The following CLSTN1 variants were observed in gnomAD, a reference collection of about 807,000 sequenced individuals.
CLSTN1 encodes calsyntenin 1, also known as calsyntenin-1.
A neutral mutation model predicts 108.3 loss-of-function variants in CLSTN1; 28 were observed. The observed-to-expected ratio is 0.26, with a 90% confidence interval of 0.19 to 0.35. The LOEUF (loss-of-function observed/expected upper bound fraction) is 0.35. CLSTN1 is among the 10% of genes least tolerant of loss of function. The probability of loss-of-function intolerance (pLI) is 1.00; values close to 1 mark genes in which losing one functional copy is unlikely to be tolerated. For missense variants in CLSTN1, 1,157 were observed against 1,302.6 expected, an observed-to-expected ratio of 0.89 and a Z score of 1.72; for synonymous variants, 524 against 534.9, an observed-to-expected ratio of 0.98 and a Z score of 0.28.
chr1:9,799,308 A>G (rs1251442814), intron 1 of CLSTN1, among the ~76,000 whole-genome samples: 1 of 152,210 alleles, frequency 6.6e-6, no homozygotes, highest in Non-Finnish European at 1.5e-5. Flanking sequence ...GCTGTAATCG[A>G]CAAACTGCTG....
At chr1:9,776,440 T>G (rs559696663) in intron 1 of CLSTN1, among the ~76,000 whole-genome samples, 1 of 152,232 alleles carries the variant, frequency 6.6e-6, no homozygotes, top group East Asian at 1.9e-4. Flanking sequence ...GGAGGTTGGT[T>G]GCACAATAGT....
rs756730315 is a variant in CLSTN1, at chr1:9,751,512, T to C, written c.610A>G (p.Ile204Val). Residue 204 changes from isoleucine to valine, a missense_variant, in exon 5 of 19, where the codon ATC becomes GTC. Physicochemically the swap from Ile to Val is conservative, Grantham distance 29 (BLOSUM62 3). Transcript: ENST00000377298. The part of the protein sequence containing the change: ...PQFSQICSYE[I>V]ITPDVPFTVD... ...GTAAAGGGCACGTCTGGAGTGATGA[T>C]TTCGTAGCTGCAAATCTGGCTGAAC... The C allele has an allele frequency of 3.7e-5, 59 of 1,614,036 alleles. No homozygotes were observed. The highest frequency in any genetic ancestry group is 4.7e-5 in the Non-Finnish European group (56 of 1,180,034).
rs78797928 is a variant in CLSTN1, at chr1:9,798,845, C to A, written c.91+24798G>T. 4.2e-3 allele frequency among the ~76,000 whole-genome samples: 637 copies of A among 152,160 alleles called. 12 individuals carry two copies. In the East Asian group the frequency reaches 0.043, roughly 10 times the overall value. ...AAAAATCAAGAACTATTCTTAGATC[C>A]CTAAGAGAAGTGAGATCACAAGGCA... On this transcript the variant is annotated intron_variant, in intron 1 of 18. Coordinates refer to ENST00000377298, the MANE Select transcript of CLSTN1 (RefSeq NM_001009566.3).
chr1:9,755,042 C>A, intron 4 of CLSTN1, 72 bp downstream of exon 4: 1 of 1,266,108 alleles, frequency 7.9e-7, no homozygotes, highest in South Asian at 1.4e-5. Flanking sequence ...AGGCAATAGT[C>A]ACTACTATTT....
intron 16 of CLSTN1, 147 bp from the exon 17 acceptor site, chr1:9,732,043 G>C: frequency 1.8e-6 from 1 of 560,496 alleles, no homozygotes; most frequent in South Asian, 3.6e-5. Flanking sequence ...ACGGGAAAAG[G>C]ACAGAAAAAA....
At chr1:9,747,222 G>A (rs375599690) in intron 7 of CLSTN1, among the ~76,000 whole-genome samples, 105 of 134,980 alleles carry the variant, frequency 7.8e-4, no homozygotes, top group African/African-American at 2.8e-3. Flanking sequence ...TGCATAGTAA[G>A]CACTCAAATT....
At chr1:9,797,240 C>T (rs1007848806) in intron 1 of CLSTN1, among the ~76,000 whole-genome samples, 2 of 151,832 alleles carry the variant, frequency 1.3e-5, no homozygotes, top group South Asian at 4.2e-4. Flanking sequence ...TTGAGCCCAC[C>T]CAAGAGTCTG....
At chr1:9,733,909 A>C in intron 15 of CLSTN1, 63 bp downstream of exon 15, 3 of 1,506,572 alleles carry the variant, frequency 2.0e-6, no homozygotes, top group Non-Finnish European at 2.7e-6. Flanking sequence ...GCAGCCAGCC[A>C]AGAGCTCTCA....
chr1:9,749,778 G>A lies in CLSTN1; in HGVS notation c.785C>T (p.Thr262Ile). ...ATGAAGCTCACCTTGCCACCCAGGG[G>A]TGCAGGTGGGCTTAATGCTGATCTT... ...LVKISIKPTC[T>I]PGWQGWNNRI... is the part of the protein sequence containing the mutation. The change falls in exon 6 of 19, where the codon ACC becomes ATC. Residue 262 changes from threonine to isoleucine, a missense_variant. Physicochemically the swap from Thr to Ile is moderately conservative, Grantham distance 89. Coordinates refer to ENST00000377298, the MANE Select transcript of CLSTN1 (RefSeq NM_001009566.3). The A allele has an allele frequency of 1.9e-6, 3 of 1,614,182 alleles. No individual in the cohort carries two copies. The highest frequency in any genetic ancestry group is 1.3e-5 in the African/African-American group (1 of 75,066).
chr1:9,760,893 G>A (rs1039229466), intron 2 of CLSTN1, among the ~76,000 whole-genome samples: 6 of 151,790 alleles, frequency 4.0e-5, no homozygotes, highest in African/African-American at 7.2e-5. Flanking sequence ...TCCACCACTC[G>A]CTATCCTAAA....
chr1:9,761,522 T>C (rs1652071947), intron 2 of CLSTN1, among the ~76,000 whole-genome samples: 2 of 152,140 alleles, frequency 1.3e-5, no homozygotes, highest in African/African-American at 4.8e-5. Flanking sequence ...TAAAAATTTT[T>C]TTAAGGAATT....
intron 1 of CLSTN1, among the ~76,000 whole-genome samples, chr1:9,791,621 T>C (rs1052398156): frequency 4.0e-5 from 6 of 151,216 alleles, no homozygotes; most frequent in African/African-American, 1.2e-4. Flanking sequence ...AACCTCCGCC[T>C]TCTGGGTTCA....
chr1:9,743,748 G>A, intron 9 of CLSTN1, 136 bp downstream of exon 9: 1 of 915,310 alleles, frequency 1.1e-6, no homozygotes, highest in Non-Finnish European at 1.6e-6. Context: ...GTAGGGACAG[G>A]ATCTTAGTAA....
At chr1:9,778,830 C>T (rs1653091059) in intron 1 of CLSTN1, among the ~76,000 whole-genome samples, 1 of 151,382 alleles carries the variant, frequency 6.6e-6, no homozygotes, top group African/African-American at 2.4e-5. Context: ...GCCTGGCCAA[C>T]ATGGTAAAAC....
chr1:9,732,447 G>A (rs1052189668), intron 16 of CLSTN1, among the ~76,000 whole-genome samples: 1 of 152,190 alleles, frequency 6.6e-6, no homozygotes, highest in African/African-American at 2.4e-5. Flanking sequence ...CCCATGGGTC[G>A]TTTGGGAAGC....
chr1:9,810,635 T>G (rs1260046740), intron 1 of CLSTN1, among the ~76,000 whole-genome samples: 1 of 149,992 alleles, frequency 6.7e-6, no homozygotes, highest in Non-Finnish European at 1.5e-5. Flanking sequence ...ATTAGCCAGG[T>G]GTGGTGGTGT....
intron 1 of CLSTN1, among the ~76,000 whole-genome samples, chr1:9,776,547 A>C (rs1394894728): frequency 6.6e-6 from 1 of 152,054 alleles, no homozygotes; most frequent in East Asian, 1.9e-4. Flanking sequence ...CCACATACAC[A>C]CAAACTCAGA....
In CLSTN1 at chr1:9,798,085, G is replaced by A. The variant is rs80331772; in HGVS notation, c.92-24691C>T. Among the ~76,000 whole-genome samples, 496 of 140,508 alleles carry A rather than the reference G, an allele frequency of 3.5e-3. 6 individuals are homozygous for A. The highest frequency in any genetic ancestry group is 0.029 in the East Asian group (126 of 4,364). 92.2% of individuals were successfully genotyped at this position (140,508 alleles called of 152,430 possible). On this transcript the variant is annotated intron_variant, in intron 1 of 18. Coordinates refer to ENST00000377298, the MANE Select transcript of CLSTN1 (RefSeq NM_001009566.3). ...CTCCAGCCTGGGCAACAGAGGGAGC[G>A]AGACTCTGTCAACAAAGAAAGAGAG...
intron 2 of CLSTN1, among the ~76,000 whole-genome samples, chr1:9,761,952 C>T (rs1383865469): frequency 6.6e-6 from 1 of 152,168 alleles, no homozygotes; most frequent in Non-Finnish European, 1.5e-5. Context: ...GAAGCCAAGG[C>T]GGCTGGAGAC....
Sources: allele counts gnomAD v4.1 joint callset (sites outside exome capture counted in the v4.1 genomes callset), GRCh38; gene constraint gnomAD v4.1.1; transcripts MANE v1.5; gene names NCBI Gene and HGNC (gene_info 2026-07-23, HGNC 2026-07-21).